The following CPXM2 variants were observed in gnomAD, a reference collection of about 807,000 sequenced individuals.
CPXM2 encodes the protein carboxypeptidase X, M14 family member 2.
A neutral mutation model predicts 86.1 loss-of-function variants in CPXM2; 66 were observed. The observed-to-expected ratio is 0.77, with a 90% CI of 0.63 to 0.94. The LOEUF (loss-of-function observed/expected upper bound fraction) is 0.94. Among genes scored for constraint, CPXM2 ranks in the 40% least tolerant of loss-of-function variants. The probability of loss-of-function intolerance (pLI) is 0.00; values close to 1 mark genes in which losing one functional copy is unlikely to be tolerated. For synonymous variants in CPXM2, 388 were observed against 400.2 expected, an observed-to-expected ratio of 0.97 and a Z score of 0.36; for missense variants, 948 against 1,026.3, an observed-to-expected ratio of 0.92 and a Z score of 1.04.
At position 123,838,396 on chromosome 10, in the gene CPXM2, G is replaced by C. The variant is rs183931480; in HGVS notation, c.653+3953C>G. Reference sequence around the variant, plus strand: ...TTGAACCTGGGAGGTGGAGGTTGCAGTGAGTCGATATCACTCCTCTGCACT... The same window carrying C: ...TTGAACCTGGGAGGTGGAGGTTGCACTGAGTCGATATCACTCCTCTGCACT... On this transcript the variant is annotated intron_variant, in intron 4 of 13. Transcript: ENST00000241305. 3.9e-5 allele frequency among the ~76,000 whole-genome samples: 6 copies of C among 152,296 alleles called. No individual in the cohort carries two copies. In the East Asian group the frequency reaches 9.6e-4, roughly 24 times the overall value.
intron 7 of CPXM2, among the ~76,000 whole-genome samples, chr10:123,779,034 C>T (rs1846872282): frequency 6.6e-6 from 1 of 152,228 alleles, no homozygotes; most frequent in Admixed American, 6.5e-5. Flanking sequence ...CGCTTAATTA[C>T]TCTGACCTCA....
chr10:123,851,579 C>G (rs981373484), intron 3 of CPXM2, among the ~76,000 whole-genome samples: 1 of 152,082 alleles, frequency 6.6e-6, no homozygotes, highest in Non-Finnish European at 1.5e-5. Flanking sequence ...ACCATTCTGG[C>G]TAACACAGTG....
chr10:123,867,983 C>T (rs1341939088), intron 2 of CPXM2, among the ~76,000 whole-genome samples: 2 of 152,178 alleles, frequency 1.3e-5, no homozygotes, highest in African/African-American at 4.8e-5. Context: ...GCATGCGAGC[C>T]ACGTAAGAGA....
At chr10:123,923,599 T>G (rs984814467) in intron 2 of CPXM2, among the ~76,000 whole-genome samples, 2 of 149,480 alleles carry the variant, frequency 1.3e-5, no homozygotes, top group Non-Finnish European at 3.0e-5. Context: ...AAAAAAGAAA[T>G]AAACATTCTT....
chr10:123,840,784 C>T (rs951347405), intron 4 of CPXM2, among the ~76,000 whole-genome samples: 1 of 152,140 alleles, frequency 6.6e-6, no homozygotes, highest in Non-Finnish European at 1.5e-5. Flanking sequence ...CACTGCCTGA[C>T]AATTGTCACT....
chr10:123,755,970 A>G (rs1277968331), intron 12 of CPXM2, among the ~76,000 whole-genome samples: 1 of 152,206 alleles, frequency 6.6e-6, no homozygotes, highest in Admixed American at 6.5e-5. Context: ...AGGTTCCCCA[A>G]AGAAGGAAAA....
chr10:123,826,990 G>A (rs1440833553), intron 4 of CPXM2, among the ~76,000 whole-genome samples: 9 of 152,128 alleles, frequency 5.9e-5, no homozygotes, highest in African/African-American at 2.2e-4. Context: ...TAGTATGAAG[G>A]AAACTAAATA....
rs138045644 is a variant in CPXM2 at position 123,783,215 on chromosome 10, T to G, written c.890-2960A>C. Among the ~76,000 whole-genome samples the G allele has an allele frequency of 2.4e-4, 37 of 152,384 alleles. No individual in the cohort carries two copies. In the East Asian group the frequency reaches 2.5e-3, roughly 10 times the overall value. The stretch of plus-strand genomic sequence containing the variant: ...GAAGCAGCTGAGTGGCCCATGCCGC[T>G]GTTCTGCCTGTGAAGTAGCCATTCT... On this transcript the variant is annotated intron_variant, in intron 6 of 13. Transcript: ENST00000241305.
intron 2 of CPXM2, among the ~76,000 whole-genome samples, chr10:123,863,532 G>C (rs912021242): frequency 5.9e-5 from 9 of 152,200 alleles, no homozygotes; most frequent in Non-Finnish European, 7.3e-5. Context: ...ACACCTTCCA[G>C]GCCTGAAGGA....
intron 13 of CPXM2, chr10:123,750,804 C>T: frequency 7.1e-6 from 7 of 985,452 alleles, no homozygotes; most frequent in Non-Finnish European, 7.2e-6. Context: ...ACTGCAGAGA[C>T]ATGGATCTGC....
chr10:123,801,861 G>A (rs1847466987), intron 4 of CPXM2, among the ~76,000 whole-genome samples: 1 of 152,048 alleles, frequency 6.6e-6, no homozygotes, highest in African/African-American at 2.4e-5. Context: ...TCCTCTGTCT[G>A]CCTTTAAATT....
At chr10:123,855,876 C>T (rs1318977599) in intron 3 of CPXM2, among the ~76,000 whole-genome samples, 1 of 152,148 alleles carries the variant, frequency 6.6e-6, no homozygotes, top group Non-Finnish European at 1.5e-5. Flanking sequence ...GGAAATGGCT[C>T]TGACAGACAC....
At chr10:123,842,902 G>C (rs1163402603) in intron 3 of CPXM2, among the ~76,000 whole-genome samples, 1 of 152,158 alleles carries the variant, frequency 6.6e-6, no homozygotes, top group Non-Finnish European at 1.5e-5. Flanking sequence ...AGAACACAGT[G>C]GGGCCGGTGC....
intron 2 of CPXM2, among the ~76,000 whole-genome samples, chr10:123,870,472 G>A (rs1395804974): frequency 6.6e-6 from 1 of 152,204 alleles, no homozygotes; most frequent in Non-Finnish European, 1.5e-5. Context: ...TATAAATGGA[G>A]TAGCTTCGAC....
intron 12 of CPXM2, among the ~76,000 whole-genome samples, chr10:123,755,621 G>A (rs1358446338): frequency 6.6e-6 from 1 of 152,172 alleles, no homozygotes; most frequent in Non-Finnish European, 1.5e-5. Flanking sequence ...AAAAGTCAGA[G>A]GGAAAAGAAA....
chr10:123,845,953 T>G (rs1848486250), intron 3 of CPXM2, among the ~76,000 whole-genome samples: 1 of 152,148 alleles, frequency 6.6e-6, no homozygotes, highest in African/African-American at 2.4e-5. Context: ...GAAAGATTTT[T>G]CATCCTAGAA....
At chr10:123,766,746 A>G (rs1479559601) in intron 10 of CPXM2, among the ~76,000 whole-genome samples, 1 of 152,256 alleles carries the variant, frequency 6.6e-6, no homozygotes, top group Non-Finnish European at 1.5e-5. Context: ...TTGAAGCTCC[A>G]TGTGCTTGTT....
At chr10:123,821,597 T>G (rs1316882822) in intron 4 of CPXM2, among the ~76,000 whole-genome samples, 2 of 152,186 alleles carry the variant, frequency 1.3e-5, no homozygotes, top group Admixed American at 1.3e-4. Context: ...GTATACCAAT[T>G]GTATTTGACT....
intron 13 of CPXM2, chr10:123,752,062 G>A (rs1323381936): frequency 2.0e-6 from 2 of 985,164 alleles, no homozygotes; most frequent in Non-Finnish European, 2.4e-6. Context: ...AATAGTCAAG[G>A]AATGTTCTAG....
Sources: gnomAD v4.1 joint callset for allele counts (sites outside exome capture counted in the v4.1 genomes callset) on GRCh38, gnomAD v4.1.1 for gene constraint, MANE v1.5 for transcripts, NCBI Gene and HGNC (gene_info 2026-07-23, HGNC 2026-07-21) for gene names.